ZC3H13: variants seen among roughly 807,000 people sequenced by gnomAD.
The protein encoded by ZC3H13 is zinc finger CCCH domain-containing protein 13.
Under a neutral mutation model 204.1 loss-of-function variants are expected in ZC3H13, and 64 were observed. The observed-to-expected ratio is 0.31, with a 90% CI of 0.26 to 0.39. The LOEUF (loss-of-function observed/expected upper bound fraction) is 0.39, where lower values mean the gene tolerates loss of function less well. Ranked by LOEUF, ZC3H13 falls within the 10% of genes least tolerant of loss-of-function variation. The pLI, the probability that ZC3H13 is intolerant of heterozygous loss-of-function variation, is 1.00. For missense variants in ZC3H13, 1,833 were observed against 2,082.7 expected (o/e 0.88, Z 2.33); for synonymous variants, 667 against 693.7 (o/e 0.96, Z 0.60).
chr13:45,995,139 T>C (rs2040242430), intron 8 of ZC3H13, among the ~76,000 whole-genome samples: 1 of 152,158 alleles, frequency 6.6e-6, no homozygotes, highest in Non-Finnish European at 1.5e-5. Flanking sequence ...CTTTACAGAA[T>C]TGACTCTATA....
chr13:45,975,007 G>A (rs1048298399), intron 12 of ZC3H13, among the ~76,000 whole-genome samples: 4 of 151,772 alleles, frequency 2.6e-5, no homozygotes, highest in African/African-American at 7.3e-5. Context: ...CACCACGTCC[G>A]GCTAATTTTT....
intron 9 of ZC3H13, among the ~76,000 whole-genome samples, chr13:45,987,620 T>C (rs1441160697): frequency 6.6e-6 from 1 of 152,168 alleles, no homozygotes. Context: ...GCCATTTTCT[T>C]GAACAAAAGA....
intron 3 of ZC3H13, among the ~76,000 whole-genome samples, chr13:46,043,090 A>C (rs1296430362): frequency 6.6e-6 from 1 of 151,968 alleles, no homozygotes; most frequent in East Asian, 1.9e-4. Flanking sequence ...ACTGCCTTTA[A>C]AGACTATTTC....
intron 4 of ZC3H13, among the ~76,000 whole-genome samples, chr13:46,033,742 T>G (rs375093819): frequency 6.6e-6 from 1 of 152,170 alleles, no homozygotes; most frequent in African/African-American, 2.4e-5. Context: ...AAATACACAA[T>G]GTGCTGGGAA....
intron 14 of ZC3H13, among the ~76,000 whole-genome samples, chr13:45,968,370 TA>T (rs1208078540): frequency 6.6e-6 from 1 of 152,174 alleles, no homozygotes; most frequent in Non-Finnish European, 1.5e-5. Context: ...ATCACTCCAT[TA>T]TTTGATCTCC....
rs181900083 is a variant in ZC3H13, at chr13:46,052,322, G to C, written c.-10+82C>G. ...AATCCCAGTGACTCAAGCAAAGACG[G>C]GGGGGGGTAACCCGGGCCTCCGCAT... is the stretch of plus-strand genomic sequence containing the variant. On this transcript the variant is annotated intron_variant, in intron 1 of 18. Coordinates refer to ENST00000679008, the MANE Select transcript of ZC3H13 (RefSeq NM_001330564.2). The C allele has an allele frequency of 1.8e-3, 706 of 385,502 alleles. 1 individual carries two copies. Among genetic ancestry groups the C allele is most frequent in the Middle Eastern group, 0.012 (18 of 1,538 alleles). 23.9% of individuals were successfully genotyped at this position (385,502 alleles called of 1,614,324 possible). A position where few individuals can be genotyped will look rare whatever the true frequency, so the allele number is the denominator to read the frequency against.
intron 1 of ZC3H13, among the ~76,000 whole-genome samples, chr13:46,050,180 G>C (rs745700870): frequency 1.3e-5 from 2 of 151,610 alleles, no homozygotes; most frequent in Non-Finnish European, 2.9e-5. Context: ...TATTAATAAA[G>C]ACACAACAAA....
chr13:45,988,966 T>C lies in ZC3H13; in HGVS notation c.1076A>G (p.Tyr359Cys), dbSNP rs1397514857. The change falls in exon 9 of 19, where the codon TAT becomes TGT. Residue 359 changes from tyrosine (Y) to cysteine (C), a missense_variant. Physicochemically the swap from Tyr to Cys is radical, Grantham distance 194. Transcript: ENST00000679008. Reference sequence around the variant, plus strand: ...TAAAGGTGGAGTTAGTGTCCGCTGATAAGATGGTGAAGGAGTTCTTTTTCG... The same window carrying C: ...TAAAGGTGGAGTTAGTGTCCGCTGACAAGATGGTGAAGGAGTTCTTTTTCG... ...PRRKRTPSPS[Y>C]QRTLTPPLRR... 3.1e-6 allele frequency: 5 copies of C among 1,613,970 alleles called. No individual in the cohort carries two copies. Among genetic ancestry groups the C allele is most frequent in the African/African-American group, 2.7e-5 (2 of 74,894 alleles).
intron 9 of ZC3H13, among the ~76,000 whole-genome samples, chr13:45,987,625 A>C (rs570453370): frequency 1.3e-5 from 2 of 152,206 alleles, no homozygotes; most frequent in Non-Finnish European, 2.9e-5. Context: ...TTTCTTGAAC[A>C]AAAGAACCCG....
chr13:45,992,950 A>G (rs886760616), intron 8 of ZC3H13, among the ~76,000 whole-genome samples: 4 of 152,120 alleles, frequency 2.6e-5, no homozygotes, highest in African/African-American at 4.8e-5. Context: ...TCCAGCTTGC[A>G]GCCAGATCAC....
chr13:45,958,448 T>G (rs1951424637), intron 18 of ZC3H13, among the ~76,000 whole-genome samples: 1 of 152,182 alleles, frequency 6.6e-6, no homozygotes, highest in Non-Finnish European at 1.5e-5. Context: ...GTTTCAGATT[T>G]GGAAATTTTT....
intron 3 of ZC3H13, among the ~76,000 whole-genome samples, chr13:46,043,149 C>T (rs535493521): frequency 6.6e-6 from 1 of 151,876 alleles, no homozygotes; most frequent in Admixed American, 6.6e-5. Flanking sequence ...TGCTCTGTTC[C>T]TCTTTGACTA....
intron 8 of ZC3H13, among the ~76,000 whole-genome samples, chr13:45,998,615 C>T (rs1340372771): frequency 4.0e-5 from 6 of 151,434 alleles, no homozygotes; most frequent in Admixed American, 2.0e-4. Flanking sequence ...TGCCACTGCA[C>T]TCCAGCCTGG....
chr13:46,023,222 G>A (rs926777918), intron 4 of ZC3H13, among the ~76,000 whole-genome samples: 61 of 152,190 alleles, frequency 4.0e-4, no homozygotes, highest in African/African-American at 1.4e-3. Context: ...GTATAGCTAT[G>A]GAAGCCCTCT....
intron 11 of ZC3H13, among the ~76,000 whole-genome samples, chr13:45,979,251 C>T (rs1429539934): frequency 1.3e-5 from 2 of 152,214 alleles, no homozygotes; most frequent in Admixed American, 1.3e-4. Context: ...TAAGAGATCA[C>T]CTGATAGATG....
At chr13:45,990,775 C>T (rs1396086332) in intron 8 of ZC3H13, among the ~76,000 whole-genome samples, 1 of 149,900 alleles carries the variant, frequency 6.7e-6, no homozygotes, top group East Asian at 2.0e-4. Flanking sequence ...TGGTTGTTTT[C>T]AATTTCAATG....
chr13:45,991,010 C>G (rs1389723073), intron 8 of ZC3H13, among the ~76,000 whole-genome samples: 1 of 152,082 alleles, frequency 6.6e-6, no homozygotes. Context: ...TCACTATACC[C>G]CGGTTGGTCT....
intron 18 of ZC3H13, among the ~76,000 whole-genome samples, chr13:45,958,144 C>A (rs73182828): frequency 2.7e-4 from 41 of 152,264 alleles, no homozygotes; most frequent in Non-Finnish European, 5.1e-4. Context: ...TCCTGTTCCT[C>A]GTATTTGTTT....
intron 18 of ZC3H13, 30 bp from the exon 19 acceptor site, chr13:45,957,327 A>G (rs1334764055): frequency 6.9e-7 from 1 of 1,454,888 alleles, no homozygotes; most frequent in South Asian, 1.5e-5. Flanking sequence ...ACAAACTTTA[A>G]AAAAGATGTA....
Sources: allele counts gnomAD v4.1 joint callset (sites outside exome capture counted in the v4.1 genomes callset), GRCh38; gene constraint gnomAD v4.1.1; transcripts MANE v1.5; gene names NCBI Gene and HGNC (gene_info 2026-07-23, HGNC 2026-07-21).